The following ANKRD44 variants were observed in gnomAD, a reference collection of about 807,000 sequenced individuals.
ANKRD44 encodes the protein serine/threonine-protein phosphatase 6 regulatory ankyrin repeat subunit B.
ANKRD44 carries 35 observed loss-of-function variants against 116.0 expected under a neutral mutation model. The observed-to-expected ratio is 0.30, with a 90% CI of 0.23 to 0.40. The LOEUF is 0.40. Among genes scored for constraint, ANKRD44 ranks in the 10% least tolerant of loss-of-function variants. The pLI, the probability that ANKRD44 is intolerant of heterozygous loss-of-function variation, is 1.00. For missense variants in ANKRD44, 1,014 were observed against 1,242.6 expected, an observed-to-expected ratio of 0.82 and a Z score of 2.77; for synonymous variants, 435 against 461.8, an observed-to-expected ratio of 0.94 and a Z score of 0.74.
rs2075843825 is a variant in ANKRD44, at chr2:196,986,926, A to G, written c.*2665T>C. 5.1e-6 allele frequency: 5 copies of G among 985,312 alleles called. No homozygotes were observed. In the South Asian group the frequency reaches 2.3e-4, roughly 46 times the overall value. The allele number at this position is 985,312 out of a possible 1,614,324, so 61.0% of individuals were successfully genotyped here. On this transcript the variant is annotated 3_prime_UTR_variant, in exon 28 of 28. Transcript: ENST00000282272. ...AACATTATAGACAAAATCCCACTGA[A>G]ATCATCAAACAATATTTTATGCTGT... is the stretch of plus-strand genomic sequence containing the variant.
intron 1 of ANKRD44, among the ~76,000 whole-genome samples, chr2:197,208,005 T>A (rs2081245952): frequency 6.6e-6 from 1 of 152,214 alleles, no homozygotes; most frequent in Non-Finnish European, 1.5e-5. Flanking sequence ...TTTGTTGCTA[T>A]TATTGGGCTG....
chr2:197,009,120 T>A, intron 18 of ANKRD44, 89 bp from the exon 19 acceptor site: 1 of 1,069,928 alleles, frequency 9.3e-7, no homozygotes. Flanking sequence ...TGAGATGGAG[T>A]CTTGCTCTGT....
chr2:197,015,204 CAG>C (rs2076368749), intron 17 of ANKRD44: 2 of 308,060 alleles, frequency 6.5e-6, no homozygotes, highest in Non-Finnish European at 1.3e-5. Flanking sequence ...GTAGAGGAAC[CAG>C]AGAGCTGTTT....
intron 13 of ANKRD44, among the ~76,000 whole-genome samples, chr2:197,086,133 G>A (rs1202938058): frequency 6.7e-6 from 1 of 150,252 alleles, no homozygotes; most frequent in African/African-American, 2.4e-5. Flanking sequence ...GAAAGGAAGG[G>A]TAAAGAGATG....
At chr2:197,273,980 A>AATAT (rs1164251927) in intron 1 of ANKRD44, among the ~76,000 whole-genome samples, 50 of 43,838 alleles carry the variant, frequency 1.1e-3, no homozygotes, top group African/African-American at 4.4e-3. Flanking sequence ...AAAAAAAAAA[A>AATAT]ATATATATAT....
At chr2:197,264,295 C>T (rs572706966) in intron 1 of ANKRD44, among the ~76,000 whole-genome samples, 1 of 152,268 alleles carries the variant, frequency 6.6e-6, no homozygotes, top group South Asian at 2.1e-4. Flanking sequence ...TGTTTATGCT[C>T]AGACCATTAT....
intron 1 of ANKRD44, among the ~76,000 whole-genome samples, chr2:197,291,036 C>T (rs2083553799): frequency 6.6e-6 from 1 of 151,904 alleles, no homozygotes; most frequent in Non-Finnish European, 1.5e-5. Flanking sequence ...TAGGGAGACC[C>T]TGTCTGTACA....
At chr2:197,186,015 G>T (rs1257584155) in intron 2 of ANKRD44, among the ~76,000 whole-genome samples, 3 of 152,208 alleles carry the variant, frequency 2.0e-5, no homozygotes, top group African/African-American at 7.2e-5. Context: ...GTATGGCCGT[G>T]TTCCAACAAA....
chr2:197,009,113 G>C, intron 18 of ANKRD44, 82 bp from the exon 19 acceptor site: 1 of 1,189,540 alleles, frequency 8.4e-7, no homozygotes, highest in Non-Finnish European at 1.2e-6. Context: ...TTTTTTTTGA[G>C]ATGGAGTCTT....
intron 1 of ANKRD44, among the ~76,000 whole-genome samples, chr2:197,213,867 T>A (rs1044372377): frequency 3.3e-5 from 5 of 152,232 alleles, no homozygotes; most frequent in South Asian, 4.1e-4. Flanking sequence ...ACAGCAACTT[T>A]AAGATATTAT....
At chr2:197,163,503 G>C (rs1054960734) in intron 2 of ANKRD44, among the ~76,000 whole-genome samples, 12 of 152,160 alleles carry the variant, frequency 7.9e-5, no homozygotes, top group African/African-American at 2.4e-4. Context: ...CCCAACATGC[G>C]CATGAAAAAA....
At position 197,258,062 on chromosome 2, in the gene ANKRD44, A is replaced by T. The variant is rs530847560; in HGVS notation, c.27+52516T>A. Among the ~76,000 whole-genome samples, 78 of 151,984 alleles carry T rather than the reference A, an allele frequency of 5.1e-4. 2 individuals carry two copies. The highest frequency in any genetic ancestry group is 1.8e-3 in the African/African-American group (73 of 41,498). ...TCAGCTATGTTGCAGCATGTGTCAG[A>T]ATTCCCTTCCTTTTTATTTTTTCTT... On this transcript the variant is annotated intron_variant, in intron 1 of 27. Coordinates refer to ENST00000282272, the MANE Select transcript of ANKRD44 (RefSeq NM_001195144.2).
chr2:197,242,032 T>G (rs2082101147), intron 1 of ANKRD44, among the ~76,000 whole-genome samples: 1 of 152,146 alleles, frequency 6.6e-6, no homozygotes. Flanking sequence ...AAAAACTTGC[T>G]AGGGTGCATT....
chr2:197,284,593 T>C (rs1267163390), intron 1 of ANKRD44, among the ~76,000 whole-genome samples: 1 of 151,986 alleles, frequency 6.6e-6, no homozygotes, highest in Non-Finnish European at 1.5e-5. Context: ...TTAAAATTTT[T>C]ACATTATTAG....
At chr2:197,180,787 A>G (rs1463982792) in intron 2 of ANKRD44, among the ~76,000 whole-genome samples, 1 of 152,190 alleles carries the variant, frequency 6.6e-6, no homozygotes, top group Admixed American at 6.5e-5. Flanking sequence ...GATCATCCCA[A>G]GTTCTTTGAG....
intron 8 of ANKRD44, among the ~76,000 whole-genome samples, chr2:197,114,681 A>G (rs2078666910): frequency 6.6e-6 from 1 of 152,108 alleles, no homozygotes; most frequent in African/African-American, 2.4e-5. Flanking sequence ...TCTCTGTGGC[A>G]TGGTACACCC....
chr2:197,082,874 G>A (rs1445720125), intron 14 of ANKRD44, among the ~76,000 whole-genome samples: 1 of 152,104 alleles, frequency 6.6e-6, no homozygotes, highest in Admixed American at 6.6e-5. Flanking sequence ...CATGCCCTGA[G>A]CAACCAACTT....
chr2:197,304,048 G>A (rs1429536340), intron 1 of ANKRD44, among the ~76,000 whole-genome samples: 3 of 152,214 alleles, frequency 2.0e-5, no homozygotes, highest in African/African-American at 4.8e-5. Context: ...GCTTACCCCT[G>A]TAATCCCAGC....
intron 1 of ANKRD44, among the ~76,000 whole-genome samples, chr2:197,232,550 G>T (rs2081889172): frequency 6.6e-6 from 1 of 152,210 alleles, no homozygotes; most frequent in South Asian, 2.1e-4. Context: ...AAAGGACTAT[G>T]TGTCAAGGAT....
Sources: gnomAD v4.1 joint callset for allele counts (sites outside exome capture counted in the v4.1 genomes callset) on GRCh38, gnomAD v4.1.1 for gene constraint, MANE v1.5 for transcripts, NCBI Gene and HGNC (gene_info 2026-07-23, HGNC 2026-07-21) for gene names.